The following CTNNA3 variants were observed in gnomAD, a reference collection of about 807,000 sequenced individuals.
CTNNA3 encodes catenin alpha-3.
In CTNNA3, 76 loss-of-function variants were observed where a neutral mutation model predicts 95.7. The observed-to-expected ratio is 0.79, with a 90% confidence interval of 0.66 to 0.96. The LOEUF (loss-of-function observed/expected upper bound fraction) is 0.96, where lower values mean the gene tolerates loss of function less well. CTNNA3 is among the 40% of genes least tolerant of loss of function. CTNNA3 has a pLI of 0.00. For synonymous variants in CTNNA3, 431 were observed against 374.4 expected, an observed-to-expected ratio of 1.15 and a Z score of -1.74; for missense variants, 1,191 against 1,089.8, an observed-to-expected ratio of 1.09 and a Z score of -1.31.
intron 5 of CTNNA3, among the ~76,000 whole-genome samples, chr10:67,269,417 C>A (rs1838860625): frequency 6.6e-6 from 1 of 152,084 alleles, no homozygotes; most frequent in Non-Finnish European, 1.5e-5. Context: ...TTCTCAAGCA[C>A]TGTGTACATT....
At chr10:66,340,893 G>C (rs1359950382) in intron 12 of CTNNA3, among the ~76,000 whole-genome samples, 1 of 151,766 alleles carries the variant, frequency 6.6e-6, no homozygotes. Context: ...TCGATATATA[G>C]TGTTGGTAGT....
At chr10:67,179,106 A>G in intron 7 of CTNNA3, among the ~76,000 whole-genome samples, 1 of 152,124 alleles carries the variant, frequency 6.6e-6, no homozygotes, top group East Asian at 1.9e-4. Context: ...CACATAATTG[A>G]ACAATCTCAA....
intron 5 of CTNNA3, among the ~76,000 whole-genome samples, chr10:67,274,530 T>G (rs1276456374): frequency 6.6e-6 from 1 of 152,110 alleles, no homozygotes; most frequent in Admixed American, 6.6e-5. Flanking sequence ...TTTTGGTAGT[T>G]AAAAATTAAG....
chr10:66,392,389 C>T (rs2092941023), intron 11 of CTNNA3, among the ~76,000 whole-genome samples: 1 of 152,026 alleles, frequency 6.6e-6, no homozygotes, highest in Middle Eastern at 3.4e-3. Flanking sequence ...GAGATCGCTC[C>T]ACTGCACTCC....
chr10:66,301,675 A>G (rs7910649), intron 12 of CTNNA3, among the ~76,000 whole-genome samples: 5,192 of 152,018 alleles, frequency 0.034, 280 homozygotes, highest in African/African-American at 0.12. Context: ...ACACCCACTC[A>G]TAGTAAGAAC....
intron 6 of CTNNA3, among the ~76,000 whole-genome samples, chr10:67,210,324 A>T (rs973394650): frequency 6.6e-6 from 1 of 152,284 alleles, no homozygotes; most frequent in South Asian, 2.1e-4. Context: ...AAATAAAAAT[A>T]AAAGCAGAAT....
At chr10:66,118,573 A>T (rs922316463) in intron 13 of CTNNA3, among the ~76,000 whole-genome samples, 1 of 152,120 alleles carries the variant, frequency 6.6e-6, no homozygotes, top group Non-Finnish European at 1.5e-5. Context: ...TTATATTCTT[A>T]TCTTTCCACC....
At chr10:67,330,689 A>G (rs1841748888) in intron 5 of CTNNA3, among the ~76,000 whole-genome samples, 2 of 112,472 alleles carry the variant, frequency 1.8e-5, no homozygotes, top group South Asian at 5.8e-4. Context: ...TGACTTGTAT[A>G]AAGTGTCATT....
At chr10:66,415,672 C>T (rs2093140362) in intron 11 of CTNNA3, among the ~76,000 whole-genome samples, 1 of 152,142 alleles carries the variant, frequency 6.6e-6, no homozygotes, top group African/African-American at 2.4e-5. Context: ...CCAAGCAAAA[C>T]TGCACCAGAG....
intron 10 of CTNNA3, among the ~76,000 whole-genome samples, chr10:66,586,475 G>T (rs1843364578): frequency 6.6e-6 from 1 of 152,106 alleles, no homozygotes; most frequent in Admixed American, 6.5e-5. Context: ...TGGTGTTCTA[G>T]CTTTTCAGAT....
chr10:67,509,334 C>T (rs142976237), intron 5 of CTNNA3, among the ~76,000 whole-genome samples: 1,876 of 152,054 alleles, frequency 0.012, 43 homozygotes, highest in African/African-American at 0.042. Flanking sequence ...AATGCTATCC[C>T]TCCCCCAGCC....
At chr10:66,928,062 C>T in intron 7 of CTNNA3, 2 of 1,614,084 alleles carry the variant, frequency 1.2e-6, no homozygotes, top group South Asian at 2.2e-5. Context: ...CGTTTAAGCC[C>T]AAGCTCCCCA....
At chr10:67,383,491 G>A (rs1014176654) in intron 5 of CTNNA3, among the ~76,000 whole-genome samples, 1 of 152,144 alleles carries the variant, frequency 6.6e-6, no homozygotes, top group East Asian at 1.9e-4. Flanking sequence ...TGCATATTAA[G>A]ATTCTCACCA....
intron 5 of CTNNA3, among the ~76,000 whole-genome samples, chr10:67,490,548 C>A (rs1206326854): frequency 6.6e-6 from 1 of 152,132 alleles, no homozygotes; most frequent in African/African-American, 2.4e-5. Flanking sequence ...TGGTGCAAGC[C>A]TACCTGGGGA....
rs1048348346 is a variant in CTNNA3, at chr10:66,775,292, G to A, written c.1128+152C>T. 6.4e-5 allele frequency: 35 copies of A among 542,714 alleles called. No homozygotes were observed. The African/African-American group carries it at 6.7e-4, about 10-fold the overall frequency. 33.6% of individuals were successfully genotyped at this position (542,714 alleles called of 1,614,324 possible). On this transcript the variant is annotated intron_variant, in intron 8 of 17. Transcript: ENST00000433211. Reference sequence around the variant, plus strand: ...TTGCCACAAAAAACATTTGAGGTATGAATATATAAATGTGGAAAGTATATA... The same window carrying A: ...TTGCCACAAAAAACATTTGAGGTATAAATATATAAATGTGGAAAGTATATA...
At chr10:66,281,035 T>G (rs1158756685) in intron 12 of CTNNA3, among the ~76,000 whole-genome samples, 2 of 151,916 alleles carry the variant, frequency 1.3e-5, no homozygotes, top group African/African-American at 2.4e-5. Flanking sequence ...CACAAAGATA[T>G]TTAAAGAAAG....
chr10:67,594,081 G>A (rs991689610), intron 3 of CTNNA3, among the ~76,000 whole-genome samples: 6 of 152,152 alleles, frequency 3.9e-5, no homozygotes, highest in Admixed American at 3.3e-4. Flanking sequence ...ATGTTGAACG[G>A]AACTTGCATC....
chr10:66,390,705 C>T (rs375068620), intron 11 of CTNNA3, among the ~76,000 whole-genome samples: 1 of 152,186 alleles, frequency 6.6e-6, no homozygotes, highest in African/African-American at 2.4e-5. Flanking sequence ...AAATAGAATG[C>T]ATTAGTGTGT....
At chr10:66,374,695 A>G (rs1032412749) in intron 12 of CTNNA3, among the ~76,000 whole-genome samples, 6 of 143,286 alleles carry the variant, frequency 4.2e-5, no homozygotes, top group African/African-American at 1.3e-4. Context: ...GCTCACTGCA[A>G]CCTCTGCCTC....
Sources: gnomAD v4.1 joint callset for allele counts (sites outside exome capture counted in the v4.1 genomes callset) on GRCh38, gnomAD v4.1.1 for gene constraint, MANE v1.5 for transcripts, NCBI Gene and HGNC (gene_info 2026-07-23, HGNC 2026-07-21) for gene names.